The following INO80 variants were observed in gnomAD, a reference collection of about 807,000 sequenced individuals.
The protein encoded by INO80 is INO80 complex ATPase subunit.
A neutral mutation model predicts 203.4 loss-of-function variants in INO80; 20 were observed. The ratio of observed to expected loss-of-function variants is 0.10; its 90% confidence interval spans 0.07 to 0.14. INO80 has a LOEUF of 0.14. Among genes scored for constraint, INO80 ranks in the 10% least tolerant of loss-of-function variants. The pLI is 1.00. For missense variants in INO80, 1,419 were observed against 1,914.4 expected (o/e 0.74, Z 4.83); for synonymous variants, 726 against 685.2 (o/e 1.06, Z -0.93).
intron 24 of INO80, among the ~76,000 whole-genome samples, chr15:41,030,872 A>G (rs1159551533): frequency 6.6e-6 from 1 of 151,476 alleles, no homozygotes; most frequent in Non-Finnish European, 1.5e-5. Flanking sequence ...GGGTTTCACC[A>G]TATTGGCCCG....
rs185881279 is a variant in INO80, at chr15:41,047,547, C to T, written c.2642-46G>A. 6.4e-4 allele frequency: 855 copies of T among 1,329,460 alleles called. 14 individuals carry two copies. In the Admixed American group the frequency reaches 0.015, roughly 23 times the overall value. The allele number at this position is 1,329,460 out of a possible 1,614,324, so 82.4% of individuals were successfully genotyped here. A position where few individuals can be genotyped will look rare whatever the true frequency, so the allele number is the denominator to read the frequency against. On this transcript the variant is annotated intron_variant, in intron 22 of 35. Coordinates refer to ENST00000648947, the MANE Select transcript of INO80 (RefSeq NM_017553.3). ...TGAAACCCAACAGCAAACCAAGAGA[C>T]GATGCTCAGTTAAAGCCTGCTCAAC...
rs761823444 is a variant in INO80, at chr15:41,020,942, T to G, written c.3232A>C (p.Ser1078Arg). 6.2e-7 allele frequency: 1 copy of G among 1,613,828 alleles called. No homozygotes were observed. Among genetic ancestry groups the G allele is most frequent in the East Asian group, 2.2e-5 (1 of 44,872 alleles). Reference protein sequence around the residue: ...FFPEPAGGLWSIRPQNGWSFI... With the variant: ...FFPEPAGGLWRIRPQNGWSFI... ...GACCAGCCATTCTGAGGTCTGATGC[T>G]CCACAGACCTCCAGCTGGCTCTGGG... Residue 1078 changes from serine (S) to arginine (R), a missense_variant, in exon 26 of 36, where the codon AGC becomes CGC. Transcript: ENST00000648947.
chr15:41,038,138 C>T (rs1200277815), intron 24 of INO80, among the ~76,000 whole-genome samples: 1 of 150,426 alleles, frequency 6.6e-6, no homozygotes, highest in Non-Finnish European at 1.5e-5. Flanking sequence ...CCTCAGCCTC[C>T]GTAGTAGCTG....
intron 1 of INO80, among the ~76,000 whole-genome samples, chr15:41,102,089 G>C (rs2045817286): frequency 6.6e-6 from 1 of 152,088 alleles, no homozygotes; most frequent in East Asian, 2.0e-4. Context: ...TACTCAGGAG[G>C]CTGAGGCAGG....
Position 40,990,360 on chromosome 15 carries a change from GTC to G in INO80, c.3571-2388_3571-2387del, listed in dbSNP as rs1011493846. Among the ~76,000 whole-genome samples the G allele has an allele frequency of 2.6e-5, 4 of 152,200 alleles. No homozygotes were observed. The East Asian group carries it at 7.7e-4, about 29-fold the overall frequency. On this transcript the variant is annotated intron_variant, in intron 29 of 35. Transcript: ENST00000648947. ...AGTCATCTTTCTTGAAACTGTTTCT[GTC>G]TCTCTTTTTCTTTTCTGAGACAGGG...
intron 1 of INO80, among the ~76,000 whole-genome samples, chr15:41,101,162 T>C (rs2045802800): frequency 6.6e-6 from 1 of 152,122 alleles, no homozygotes; most frequent in Non-Finnish European, 1.5e-5. Flanking sequence ...TTAAGATTGC[T>C]GGCCTCTCAA....
intron 1 of INO80, among the ~76,000 whole-genome samples, chr15:41,115,724 A>T (rs1020692253): frequency 3.9e-5 from 6 of 152,158 alleles, no homozygotes; most frequent in African/African-American, 1.4e-4. Flanking sequence ...GGGCTTCCTC[A>T]GGTGGCTGAG....
chr15:41,091,249 G>A (rs936686761), intron 5 of INO80, among the ~76,000 whole-genome samples: 1 of 151,316 alleles, frequency 6.6e-6, no homozygotes, highest in Non-Finnish European at 1.5e-5. Flanking sequence ...TAGTAGAGAT[G>A]GAGTTTCACC....
At chr15:41,044,157 A>C (rs541458650) in intron 24 of INO80, among the ~76,000 whole-genome samples, 3 of 152,350 alleles carry the variant, frequency 2.0e-5, no homozygotes, top group Admixed American at 2.0e-4. Flanking sequence ...TACTAACTCT[A>C]AACAGGGTTA....
chr15:41,076,058 C>A (rs1000777075), intron 9 of INO80, among the ~76,000 whole-genome samples: 12 of 152,100 alleles, frequency 7.9e-5, no homozygotes, highest in Middle Eastern at 3.2e-3. Flanking sequence ...AAAATACTCC[C>A]CAACACAATC....
chr15:40,986,276 C>T (rs1216042712), intron 31 of INO80, among the ~76,000 whole-genome samples: 1 of 149,600 alleles, frequency 6.7e-6, no homozygotes, highest in African/African-American at 2.4e-5. Flanking sequence ...CCACATTTAC[C>T]TTTAAAATAC....
chr15:40,983,997 G>A (rs2140408315), intron 33 of INO80, 76 bp from the exon 34 acceptor site: 1 of 1,529,246 alleles, frequency 6.5e-7, no homozygotes, highest in Non-Finnish European at 9.0e-7. Flanking sequence ...CTAGGAACAT[G>A]CTTCACAGTT....
Position 41,073,466 on chromosome 15 carries a change from T to G in INO80, c.1357A>C (p.Lys453Gln). ...DSNHFKAQALKNAENAYHIHQ... is the reference protein window; with the variant it reads ...DSNHFKAQALQNAENAYHIHQ... ...ATATGGTAAGCATTTTCAGCATTCT[T>G]CAGGGCCTGGGCTTTAAAATGGTTA... Residue 453 changes from lysine to glutamine, a missense_variant, in exon 11 of 36, where the codon AAG (lysine) becomes CAG (glutamine). This residue lies in a region of INO80 where 116 missense variants were observed against 119.5 expected (regional missense o/e 0.97). Transcript: ENST00000648947. 5 of 1,614,146 alleles carry G rather than the reference T, an allele frequency of 3.1e-6. No homozygotes were observed. The highest frequency in any genetic ancestry group is 4.2e-6 in the Non-Finnish European group (5 of 1,179,990).
rs2140457880 is a variant in INO80, at chr15:41,016,174, G to T, written c.3316C>A (p.Leu1106Ile). 2 of 1,613,850 alleles carry T rather than the reference G, an allele frequency of 1.2e-6. No individual in the cohort carries two copies. The highest frequency in any genetic ancestry group is 1.7e-6 in the Non-Finnish European group (2 of 1,179,818). Residue 1106 changes from leucine to isoleucine, a missense_variant, in exon 27 of 36, where the codon CTT becomes ATT. Transcript: ENST00000648947. ...LITDSGKLYALDVLLTRLKSQ... is the reference protein window; with the variant it reads ...LITDSGKLYAIDVLLTRLKSQ... ...TTGAGCCGAGTCAGCAGGACATCAAGGGCATACAGCTTTCCACTGTCAGTG... is the reference window on the plus strand; with the variant it reads ...TTGAGCCGAGTCAGCAGGACATCAATGGCATACAGCTTTCCACTGTCAGTG...
chr15:41,035,603 C>T (rs2044558544), intron 24 of INO80, among the ~76,000 whole-genome samples: 1 of 151,378 alleles, frequency 6.6e-6, no homozygotes. Flanking sequence ...AGATGGATCA[C>T]GAGGTCGGGA....
rs2045461692 is a variant in INO80, at chr15:41,079,960, TC to T, written c.928-57del. The T allele has an allele frequency of 2.7e-6, 4 of 1,456,358 alleles. No individual in the cohort carries two copies. The East Asian group carries it at 9.1e-5, about 33-fold the overall frequency. The allele number at this position is 1,456,358 out of a possible 1,614,324, so 90.2% of individuals were successfully genotyped here. On this transcript the variant is annotated intron_variant, in intron 8 of 35. Coordinates refer to ENST00000648947, the MANE Select transcript of INO80 (RefSeq NM_017553.3). ...GGACCCCATACCAGAAGCTGGTTCT[TC>T]CTGGACTCTAAACCACATCATTCCT...
At chr15:41,014,923 G>A (rs546661842) in intron 27 of INO80, among the ~76,000 whole-genome samples, 2 of 152,120 alleles carry the variant, frequency 1.3e-5, no homozygotes, top group Admixed American at 6.5e-5. Flanking sequence ...TACTTATTAC[G>A]ATTCCCTGGT....
chr15:41,096,959 C>T (rs1027814866), intron 1 of INO80, among the ~76,000 whole-genome samples: 1 of 152,198 alleles, frequency 6.6e-6, no homozygotes, highest in Non-Finnish European at 1.5e-5. Flanking sequence ...GTGAGAAACA[C>T]AGGTATAGCC....
chr15:40,988,310 C>T (rs939711687), intron 29 of INO80, among the ~76,000 whole-genome samples: 1 of 152,086 alleles, frequency 6.6e-6, no homozygotes, highest in African/African-American at 2.4e-5. Context: ...ATTTAAATCC[C>T]AGAATTATCA....
Sources: gnomAD v4.1 joint callset for allele counts (sites outside exome capture counted in the v4.1 genomes callset) on GRCh38, gnomAD v4.1.1 for gene constraint, gnomAD v4.1.1 regional missense constraint, MANE v1.5 for transcripts, NCBI Gene and HGNC (gene_info 2026-07-23, HGNC 2026-07-21) for gene names.